The following PFKFB4 variants were observed in gnomAD, a reference collection of about 807,000 sequenced individuals.
PFKFB4 encodes 6-phosphofructo-2-kinase/fructose-2,6-biphosphatase 4, also known as 6-phosphofructo-2-kinase/fructose-2,6-bisphosphatase 4.
PFKFB4 carries 42 observed loss-of-function variants against 62.8 expected under a neutral mutation model. The observed-to-expected ratio is 0.67, with a 90% CI of 0.52 to 0.86. PFKFB4 has a LOEUF of 0.86. Ranked by LOEUF, PFKFB4 falls within the 40% of genes least tolerant of loss-of-function variation. PFKFB4 has a pLI of 0.00. For missense variants in PFKFB4, 475 were observed against 627.2 expected, an observed-to-expected ratio of 0.76 and a Z score of 2.59; for synonymous variants, 204 against 240.7, an observed-to-expected ratio of 0.85 and a Z score of 1.41.
intron 10 of PFKFB4, 46 bp from the exon 11 acceptor site, chr3:48,523,876 G>C (rs766013168): frequency 3.8e-6 from 6 of 1,592,622 alleles, no homozygotes; most frequent in East Asian, 2.2e-5. Flanking sequence ...GGCTCCGGGG[G>C]AGGGACAGAC....
chr3:48,557,796 C>G (rs368906553), upstream of PFKFB4, among the ~76,000 whole-genome samples: 1,060 of 152,260 alleles, frequency 7.0e-3, 12 homozygotes, highest in African/African-American at 0.024. Flanking sequence ...CTCAGCCTTC[C>G]AAAGTGCTGG....
At chr3:48,552,252 G>A (rs1304381678) in intron 1 of PFKFB4, among the ~76,000 whole-genome samples, 3 of 152,236 alleles carry the variant, frequency 2.0e-5, no homozygotes, top group Admixed American at 6.5e-5. Context: ...CTACCCTGGC[G>A]GATACTGAGC....
upstream of PFKFB4, chr3:48,563,045 G>GTTT: frequency 1.2e-6 from 2 of 1,612,112 alleles, no homozygotes; most frequent in Non-Finnish European, 1.7e-6. The surrounding 1 kb of genome is among the most constrained non-coding windows in gnomAD (Gnocchi z 4.5). Context: ...GAGCTGGAAG[G>GTTT]TTGGGATAGG....
At position 48,539,467 on chromosome 3, in the gene PFKFB4, C is replaced by A. The variant is rs115827060; in HGVS notation, c.454-157G>T. ...TGCTTCAGAGGGCTGGAGGCGGGGTCAAGGAGTCCAGAGCTAAAGCAGGTG... is the reference window on the plus strand; with the variant it reads ...TGCTTCAGAGGGCTGGAGGCGGGGTAAAGGAGTCCAGAGCTAAAGCAGGTG... On this transcript the variant is annotated intron_variant, in intron 5 of 13. Transcript: ENST00000232375. 1,023 of 742,346 alleles carry A rather than the reference C, an allele frequency of 1.4e-3. 10 individuals are homozygous for A. The African/African-American group carries it at 0.016, about 12-fold the overall frequency. 46.0% of individuals were successfully genotyped at this position (742,346 alleles called of 1,614,324 possible).
intron 13 of PFKFB4, 68 bp from the exon 14 acceptor site, chr3:48,519,874 C>T: frequency 2.4e-6 from 3 of 1,263,806 alleles, no homozygotes; most frequent in Non-Finnish European, 1.2e-6. Context: ...TGTCTGCCGT[C>T]CTCATCACTG....
chr3:48,561,208 CG>C (rs921527515), upstream of PFKFB4: 187 of 629,668 alleles, frequency 3.0e-4, no homozygotes, highest in Non-Finnish European at 3.0e-4. This position sits in a 1 kb window ranked among gnomAD's most constrained non-coding sequence, Gnocchi z 5.2. Flanking sequence ...GCGACTCCTG[CG>C]GCTCCTGCAG....
At chr3:48,538,677 G>A in intron 6 of PFKFB4, 58 bp from the exon 7 acceptor site, 3 of 1,607,910 alleles carry the variant, frequency 1.9e-6, no homozygotes, top group Non-Finnish European at 2.5e-6. Flanking sequence ...GGCGGGGCCA[G>A]AGACCAAGGA....
chr3:48,556,566 G>A lies in PFKFB4; in HGVS notation c.97+115C>T, dbSNP rs1417698981. On this transcript the variant is annotated intron_variant, in intron 1 of 13. Transcript: ENST00000232375. This position sits in a 1 kb window ranked among gnomAD's most constrained non-coding sequence, Gnocchi z 5.7. ...CTCCCCAGTCACGGCAACCTCACCT[G>A]TCCCCGGTTCCCCATCTGTCTCCCG... 3 of 1,260,306 alleles carry A rather than the reference G, an allele frequency of 2.4e-6. No homozygotes were observed. The highest frequency in any genetic ancestry group is 2.6e-5 in the Admixed American group (1 of 38,916). The allele number at this position is 1,260,306 out of a possible 1,614,324, so 78.1% of individuals were successfully genotyped here. A position where few individuals can be genotyped will look rare whatever the true frequency, so the allele number is the denominator to read the frequency against.
chr3:48,544,880 C>A (rs909775791), intron 3 of PFKFB4, among the ~76,000 whole-genome samples: 12 of 152,082 alleles, frequency 7.9e-5, no homozygotes, highest in African/African-American at 2.9e-4. Flanking sequence ...CGTGCCACCA[C>A]ATCTGGCTAA....
At chr3:48,561,893 GTGGGACAGAGTT>G (rs2043438048), upstream of PFKFB4, 1 of 152,324 alleles carries the variant, frequency 6.6e-6, no homozygotes, top group African/African-American at 2.4e-5. This position sits in a 1 kb window ranked among gnomAD's most constrained non-coding sequence, Gnocchi z 5.2. Context: ...CGTGCGTGAA[GTGGGACAGAGTT>G]TGGTTGGAGC....
At chr3:48,519,887 G>C in intron 13 of PFKFB4, 81 bp from the exon 14 acceptor site, 1 of 1,120,838 alleles carries the variant, frequency 8.9e-7, no homozygotes, top group Non-Finnish European at 1.4e-6. Flanking sequence ...CATCACTGTG[G>C]TTCATCAGGC....
At chr3:48,533,421 T>C (rs964656029) in intron 9 of PFKFB4, among the ~76,000 whole-genome samples, 2 of 152,158 alleles carry the variant, frequency 1.3e-5, no homozygotes, top group African/African-American at 4.8e-5. Context: ...GGGGTGGTAA[T>C]ATTCAAATTA....
At position 48,538,605 on chromosome 3, in the gene PFKFB4, G is replaced by A. The variant is rs1213621380; in HGVS notation, c.525C>T (p.Gly175=). Residue 175 remains glycine (G), a synonymous_variant, in exon 7 of 14, where the codon GGC becomes GGT. Transcript: ENST00000232375. ...TGTCGCGGTTGACATAGTCAGGGCT[G>A]CCCAGTTTCACTTGCTGCCGGAGCC... is the stretch of plus-strand genomic sequence containing the variant. The part of the protein sequence containing the change: ...IAANIVQVKL[G]SPDYVNRDSD... 1 of 1,613,940 alleles carries A rather than the reference G, an allele frequency of 6.2e-7. No homozygotes were observed. Among genetic ancestry groups the A allele is most frequent in the Non-Finnish European group, 8.5e-7 (1 of 1,179,944 alleles).
At position 48,556,733 on chromosome 3, in the gene PFKFB4, G is replaced by A. The variant is rs1189367549; in HGVS notation, c.45C>T (p.Ile15=). Residue 15 remains isoleucine, a synonymous_variant, in exon 1 of 14, where the codon ATC becomes ATT. Coordinates refer to ENST00000232375, the MANE Select transcript of PFKFB4 (RefSeq NM_004567.4). The surrounding 1 kb of genome is among the most constrained non-coding windows in gnomAD (Gnocchi z 5.7). ...GCCGCCCATTGCTGTATGGCATCCA[G>A]ATCTTCTTCAGGGGGTTCTGTGTCA... ...RELTQNPLKK[I]WMPYSNGRPA... is the part of the protein sequence containing the mutation. 1 of 1,608,612 alleles carries A rather than the reference G, an allele frequency of 6.2e-7. No homozygotes were observed. The highest frequency in any genetic ancestry group is 8.5e-7 in the Non-Finnish European group (1 of 1,177,560).
chr3:48,557,032 G>A (rs919243804), upstream of PFKFB4: 32 of 1,234,190 alleles, frequency 2.6e-5, no homozygotes, highest in Non-Finnish European at 3.2e-5. Context: ...GGCCAGGATC[G>A]AGAATGCGCA....
At chr3:48,529,941 C>T (rs1258857738) in intron 9 of PFKFB4, among the ~76,000 whole-genome samples, 2 of 151,408 alleles carry the variant, frequency 1.3e-5, no homozygotes, top group African/African-American at 4.9e-5. Flanking sequence ...GTGACAGAGC[C>T]AGACCCTGTT....
chr3:48,531,070 A>T (rs914309218), intron 9 of PFKFB4, among the ~76,000 whole-genome samples: 1 of 152,100 alleles, frequency 6.6e-6, no homozygotes, highest in African/African-American at 2.4e-5. Flanking sequence ...AAAATATAAT[A>T]AAAAAATATG....
chr3:48,546,198 G>A (rs564106992), intron 3 of PFKFB4, among the ~76,000 whole-genome samples: 53 of 152,240 alleles, frequency 3.5e-4, no homozygotes, highest in South Asian at 3.1e-3. Flanking sequence ...ACACACGAGC[G>A]TGCACAACCC....
chr3:48,523,442 AAC>A, intron 12 of PFKFB4, 93 bp downstream of exon 12: 1 of 1,254,736 alleles, frequency 8.0e-7, no homozygotes, highest in Non-Finnish European at 1.2e-6. Context: ...ATGGGCTCCT[AAC>A]ACAATTTTCA....
Sources: gnomAD v4.1 joint callset for allele counts (sites outside exome capture counted in the v4.1 genomes callset) on GRCh38, gnomAD v4.1.1 for gene constraint, Gnocchi (gnomAD v3.1) non-coding constraint, MANE v1.5 for transcripts, NCBI Gene and HGNC (gene_info 2026-07-23, HGNC 2026-07-21) for gene names.